The following FBXO25 variants were observed in gnomAD, a reference collection of about 807,000 sequenced individuals.
FBXO25 encodes F-box only protein 25.
FBXO25 carries 45 observed loss-of-function variants against 51.9 expected under a neutral mutation model. The ratio of observed to expected loss-of-function variants is 0.87; its 90% confidence interval spans 0.68 to 1.11. FBXO25 has a LOEUF of 1.11. FBXO25 is among the 50% of genes most tolerant of loss of function. The pLI is 0.00. For synonymous variants in FBXO25, 199 were observed against 151.0 expected (o/e 1.32, Z -2.33); for missense variants, 507 against 428.5 (o/e 1.18, Z -1.62).
intron 2 of FBXO25, among the ~76,000 whole-genome samples, chr8:416,549 C>G (rs1034475465): frequency 6.6e-6 from 1 of 152,156 alleles, no homozygotes; most frequent in African/African-American, 2.4e-5. Context: ...ATTTTTGTTA[C>G]ATGAGTGGTA....
Position 471,536 on chromosome 8 carries a change from C to T in FBXO25, c.*2732C>T, listed in dbSNP as rs1266892801. On this transcript the variant is annotated 3_prime_UTR_variant, in exon 10 of 10. Transcript: ENST00000350302. The stretch of plus-strand genomic sequence containing the variant: ...ATTCAGGACCCCAGGAGCCTAAAGC[C>T]AGGTAGTAAGTTTCACTTGCCCATC... 6.6e-6 allele frequency: 1 copy of T among 152,154 alleles called. No individual in the cohort carries two copies. Among genetic ancestry groups the T allele is most frequent in the Non-Finnish European group, 1.5e-5 (1 of 68,046 alleles). 9.4% of individuals were successfully genotyped at this position (152,154 alleles called of 1,614,324 possible). A position where few individuals can be genotyped will look rare whatever the true frequency, so the allele number is the denominator to read the frequency against.
chr8:426,079 C>T (rs1585025989), intron 2 of FBXO25, among the ~76,000 whole-genome samples: 2 of 152,114 alleles, frequency 1.3e-5, no homozygotes, highest in African/African-American at 4.8e-5. Flanking sequence ...GCATTGTGCA[C>T]GCTGTTAACC....
chr8:455,997 C>T (rs925013717), intron 7 of FBXO25, among the ~76,000 whole-genome samples: 5 of 152,218 alleles, frequency 3.3e-5, no homozygotes, highest in African/African-American at 1.2e-4. Flanking sequence ...CTCTACTAAT[C>T]CGGGATTTTT....
rs1021442753 is a variant in FBXO25, at chr8:406,977, T to G, written c.-97T>G. ...TCCGGCAATAACCGCCTGGTCGCCG[T>G]CAGGTGCGGGCCCAGGTGGCCGGCG... On this transcript the variant is annotated 5_prime_UTR_variant, in exon 1 of 10. Transcript: ENST00000350302. 1.3e-5 allele frequency: 2 copies of G among 152,098 alleles called. No homozygotes were observed. Among genetic ancestry groups the G allele is most frequent in the Admixed American group, 1.3e-4 (2 of 15,280 alleles). 9.4% of individuals were successfully genotyped at this position (152,098 alleles called of 1,614,324 possible).
intron 2 of FBXO25, 149 bp from the exon 3 acceptor site, chr8:431,192 C>T: frequency 2.1e-6 from 1 of 484,144 alleles, no homozygotes; most frequent in Non-Finnish European, 3.7e-6. Flanking sequence ...TCTTATTTCT[C>T]AAAATGAAAC....
At chr8:463,670 C>T (rs1335721036) in intron 9 of FBXO25, among the ~76,000 whole-genome samples, 1 of 152,246 alleles carries the variant, frequency 6.6e-6, no homozygotes, top group African/African-American at 2.4e-5. Context: ...TTTTCTCATT[C>T]ATATGATCAG....
chr8:422,726 C>G (rs925868525), intron 2 of FBXO25, among the ~76,000 whole-genome samples: 4 of 152,194 alleles, frequency 2.6e-5, no homozygotes, highest in African/African-American at 9.6e-5. Flanking sequence ...ATCACGTAGT[C>G]TGACTGTGCT....
chr8:465,599 C>G (rs369899199), intron 9 of FBXO25, among the ~76,000 whole-genome samples: 1 of 152,166 alleles, frequency 6.6e-6, no homozygotes, highest in Non-Finnish European at 1.5e-5. Context: ...ATCTGAAATG[C>G]CTGGGACTTG....
At position 470,818 on chromosome 8, in the gene FBXO25, G is replaced by A. The variant is rs899160979; in HGVS notation, c.*2014G>A. The A allele has an allele frequency of 6.6e-6, 1 of 152,192 alleles. No individual in the cohort carries two copies. Among genetic ancestry groups the A allele is most frequent in the Non-Finnish European group, 1.5e-5 (1 of 68,038 alleles). The allele number at this position is 152,192 out of a possible 1,614,324, so 9.4% of individuals were successfully genotyped here. A position where few individuals can be genotyped will look rare whatever the true frequency, so the allele number is the denominator to read the frequency against. ...TTGATGTATGATAAATTGTGAGCTT[G>A]AATATTTCCATATATTTATTATCCA... On this transcript the variant is annotated 3_prime_UTR_variant, in exon 10 of 10. Coordinates refer to ENST00000350302, the MANE Select transcript of FBXO25 (RefSeq NM_183420.2).
chr8:468,289 A>G lies in FBXO25; in HGVS notation c.988-426A>G, dbSNP rs74765852. The G allele has an allele frequency of 2.6e-3, 2,604 of 1,016,296 alleles. 52 individuals carry two copies. In the African/African-American group the frequency reaches 0.043, roughly 17 times the overall value. 63.0% of individuals were successfully genotyped at this position (1,016,296 alleles called of 1,614,324 possible). The stretch of plus-strand genomic sequence containing the variant: ...GGAGCCCAAGCTGATTCAGGGATGA[A>G]TGGCGGGTGGAGGGAACCCTGTGTA... On this transcript the variant is annotated intron_variant, in intron 9 of 9. Coordinates refer to ENST00000350302, the MANE Select transcript of FBXO25 (RefSeq NM_183420.2).
At chr8:467,850 T>G in intron 9 of FBXO25, 1 of 1,592,532 alleles carries the variant, frequency 6.3e-7, no homozygotes, top group Middle Eastern at 1.7e-4. Context: ...CGATTCCAGC[T>G]CTCGCTGACT....
chr8:461,785 A>G (rs1799830225), intron 8 of FBXO25, among the ~76,000 whole-genome samples: 1 of 152,116 alleles, frequency 6.6e-6, no homozygotes, highest in African/African-American at 2.4e-5. Context: ...CTGGCTTCTT[A>G]CCCTTTGCAT....
chr8:441,505 A>C (rs1029806085), intron 5 of FBXO25, among the ~76,000 whole-genome samples: 1 of 152,246 alleles, frequency 6.6e-6, no homozygotes, highest in Non-Finnish European at 1.5e-5. Context: ...ACAAAAGCCA[A>C]AATTGACAAA....
chr8:435,941 G>A (rs1358707531), intron 5 of FBXO25, among the ~76,000 whole-genome samples: 1 of 152,200 alleles, frequency 6.6e-6, no homozygotes, highest in African/African-American at 2.4e-5. Context: ...ACACTCATCT[G>A]CCCTGTGGCT....
intron 1 of FBXO25, among the ~76,000 whole-genome samples, chr8:409,541 G>T (rs1796369166): frequency 6.6e-6 from 1 of 152,132 alleles, no homozygotes; most frequent in South Asian, 2.1e-4. Flanking sequence ...CAGTAGGCAG[G>T]CTCTTTATGT....
chr8:456,139 A>G (rs546575917), intron 7 of FBXO25, among the ~76,000 whole-genome samples: 2 of 152,266 alleles, frequency 1.3e-5, no homozygotes, highest in Non-Finnish European at 2.9e-5. Flanking sequence ...AGCACCTGGA[A>G]GACATAATTC....
At chr8:438,347 C>G (rs927408074) in intron 5 of FBXO25, among the ~76,000 whole-genome samples, 7 of 152,188 alleles carry the variant, frequency 4.6e-5, no homozygotes, top group African/African-American at 1.4e-4. Flanking sequence ...GTGTGAGCCA[C>G]CATGCCCAGC....
At position 470,731 on chromosome 8, in the gene FBXO25, C is replaced by G. The variant is rs1019404806; in HGVS notation, c.*1927C>G. On this transcript the variant is annotated 3_prime_UTR_variant, in exon 10 of 10. Transcript: ENST00000350302. ...GAAAGGGAGTAAGTACATTGAGTTT[C>G]CATTATCCCTGAAGCACAGGTATTT... is the stretch of plus-strand genomic sequence containing the variant. 1 of 152,200 alleles carries G rather than the reference C, an allele frequency of 6.6e-6. No homozygotes were observed. The highest frequency in any genetic ancestry group is 1.5e-5 in the Non-Finnish European group (1 of 68,044). 9.4% of individuals were successfully genotyped at this position (152,200 alleles called of 1,614,324 possible).
At chr8:457,469 A>T (rs938029875) in intron 7 of FBXO25, among the ~76,000 whole-genome samples, 2 of 152,146 alleles carry the variant, frequency 1.3e-5, no homozygotes, top group African/African-American at 2.4e-5. Flanking sequence ...GATGCATTGC[A>T]TTTACTCTCT....
Sources: gnomAD v4.1 joint callset for allele counts (sites outside exome capture counted in the v4.1 genomes callset) on GRCh38, gnomAD v4.1.1 for gene constraint, MANE v1.5 for transcripts, NCBI Gene and HGNC (gene_info 2026-07-23, HGNC 2026-07-21) for gene names.